NRXN1: variants seen among roughly 807,000 people sequenced by gnomAD.
NRXN1 encodes neurexin 1.
A neutral mutation model predicts 150.9 loss-of-function variants in NRXN1; 39 were observed. That is an observed-to-expected ratio of 0.26 (90% CI 0.20 to 0.34). The LOEUF is 0.34. NRXN1 is among the 10% of genes least tolerant of loss of function. The pLI is 1.00. For missense variants in NRXN1, 1,815 were observed against 1,949.9 expected (o/e 0.93, Z 1.30); for synonymous variants, 924 against 757.0 (o/e 1.22, Z -3.62).
rs1305401519 is a variant in NRXN1 at position 50,308,122 on chromosome 2, G to C, written c.3365-71152C>G. 7.9e-5 allele frequency among the ~76,000 whole-genome samples: 12 copies of C among 152,094 alleles called. No homozygotes were observed. The East Asian group carries it at 2.3e-3, about 29-fold the overall frequency. On this transcript the variant is annotated intron_variant, in intron 17 of 22. Transcript: ENST00000401669. Reference sequence around the variant, plus strand: ...GTTGTTGTTGGTAGGGAGAGAACTTGTCTCCTGACTACTGTCTTAGCAGTT... The same window carrying C: ...GTTGTTGTTGGTAGGGAGAGAACTTCTCTCCTGACTACTGTCTTAGCAGTT...
rs563333578 is a variant in NRXN1 at position 50,507,163 on chromosome 2, G to A, written c.2375-546C>T. 1.8e-4 allele frequency among the ~76,000 whole-genome samples: 28 copies of A among 152,070 alleles called. No homozygotes were observed. The East Asian group carries it at 3.7e-3, about 20-fold the overall frequency. ...TATCTTGTGTGATGGCGGCTATTCC[G>A]CTCTTATACCTGGTACCTCCAGTGC... On this transcript the variant is annotated intron_variant, in intron 12 of 22. Coordinates refer to ENST00000401669, the MANE Select transcript of NRXN1 (RefSeq NM_001330078.2).
intron 5 of NRXN1, among the ~76,000 whole-genome samples, chr2:50,897,918 T>C (rs1255288459): frequency 6.6e-6 from 1 of 151,030 alleles, no homozygotes; most frequent in East Asian, 1.9e-4. Flanking sequence ...ATAAAATTGA[T>C]GATAGCAAAA....
At chr2:50,675,805 T>C (rs1689464091) in intron 5 of NRXN1, among the ~76,000 whole-genome samples, 1 of 152,122 alleles carries the variant, frequency 6.6e-6, no homozygotes, top group Non-Finnish European at 1.5e-5. Flanking sequence ...GAGTATCAGC[T>C]AAGAATATCC....
chr2:50,173,719 T>A (rs981872545), intron 18 of NRXN1, among the ~76,000 whole-genome samples: 4 of 152,196 alleles, frequency 2.6e-5, no homozygotes, highest in African/African-American at 9.6e-5. Context: ...TATGTTAGCA[T>A]TAATGTTTTA....
At chr2:50,136,130 C>T (rs1167896822) in intron 18 of NRXN1, among the ~76,000 whole-genome samples, 2 of 152,170 alleles carry the variant, frequency 1.3e-5, no homozygotes, top group African/African-American at 4.8e-5. Context: ...GGTTAATCTC[C>T]TAATTACTTT....
intron 18 of NRXN1, among the ~76,000 whole-genome samples, chr2:50,142,584 T>C (rs1461280639): frequency 6.6e-6 from 1 of 151,800 alleles, no homozygotes; most frequent in African/African-American, 2.4e-5. Flanking sequence ...CCAGTAAATA[T>C]GTATAAAAAT....
intron 17 of NRXN1, among the ~76,000 whole-genome samples, chr2:50,246,804 A>G (rs1001322606): frequency 2.6e-5 from 4 of 152,056 alleles, no homozygotes; most frequent in Non-Finnish European, 4.4e-5. Flanking sequence ...AACATCCACT[A>G]ACTTATTTTT....
chr2:50,990,109 G>T (rs1698323026), intron 2 of NRXN1, among the ~76,000 whole-genome samples: 1 of 151,926 alleles, frequency 6.6e-6, no homozygotes, highest in African/African-American at 2.4e-5. Flanking sequence ...TATATCTTCT[G>T]TAGGGAACTG....
intron 5 of NRXN1, among the ~76,000 whole-genome samples, chr2:50,782,430 C>G (rs1433441436): frequency 1.3e-5 from 2 of 152,006 alleles, no homozygotes; most frequent in African/African-American, 4.8e-5. Context: ...GATCATGCCA[C>G]TGCACTCCAG....
intron 17 of NRXN1, among the ~76,000 whole-genome samples, chr2:50,302,047 A>AT (rs1338074775): frequency 6.6e-6 from 1 of 152,116 alleles, no homozygotes. Context: ...ATGAAGAAAT[A>AT]TTTTTTTAAA....
At chr2:50,446,184 A>T (rs2086386825) in intron 17 of NRXN1, among the ~76,000 whole-genome samples, 1 of 152,172 alleles carries the variant, frequency 6.6e-6, no homozygotes, top group African/African-American at 2.4e-5. Flanking sequence ...AGAAAACCGT[A>T]TCAAAATAAT....
intron 5 of NRXN1, among the ~76,000 whole-genome samples, chr2:50,844,870 T>C (rs1372412355): frequency 1.3e-5 from 2 of 152,066 alleles, no homozygotes; most frequent in Non-Finnish European, 2.9e-5. Flanking sequence ...TTTTTTTTTT[T>C]TGAAGCAGAG....
intron 8 of NRXN1, among the ~76,000 whole-genome samples, chr2:50,580,825 C>G (rs906632060): frequency 6.6e-6 from 1 of 152,088 alleles, no homozygotes; most frequent in Non-Finnish European, 1.5e-5. Flanking sequence ...TTCACAGCTA[C>G]TATACCGTCT....
At chr2:49,992,511 C>T (rs145729908) in intron 21 of NRXN1, among the ~76,000 whole-genome samples, 6 of 152,036 alleles carry the variant, frequency 3.9e-5, no homozygotes, top group South Asian at 2.1e-4. Context: ...ACTTGGGAGG[C>T]GGAGGTTGCA....
intron 18 of NRXN1, among the ~76,000 whole-genome samples, chr2:50,211,217 G>A (rs1365614393): frequency 2.0e-5 from 3 of 151,614 alleles, no homozygotes; most frequent in African/African-American, 7.2e-5. Flanking sequence ...CATAGGAACT[G>A]CTGAAAAACC....
intron 13 of NRXN1, among the ~76,000 whole-genome samples, chr2:50,498,788 C>G (rs2091785897): frequency 6.6e-6 from 1 of 152,178 alleles, no homozygotes; most frequent in South Asian, 2.1e-4. Context: ...TTGCTCTTGT[C>G]TAAATAAACT....
At position 50,068,034 on chromosome 2, in the gene NRXN1, G is replaced by C. The variant is rs1299233340; in HGVS notation, c.3719-12990C>G. Among the ~76,000 whole-genome samples, 4 of 152,150 alleles carry C rather than the reference G, an allele frequency of 2.6e-5. 1 individual carries two copies. In the South Asian group the frequency reaches 8.3e-4, roughly 31 times the overall value. On this transcript the variant is annotated intron_variant, in intron 19 of 22. Coordinates refer to ENST00000401669, the MANE Select transcript of NRXN1 (RefSeq NM_001330078.2). The stretch of plus-strand genomic sequence containing the variant: ...AAGATAGGTGAATGTTTCATACACA[G>C]TCTGATGTGGCCTATAAATGGAACT...
At chr2:50,201,365 A>G (rs1397182544) in intron 18 of NRXN1, among the ~76,000 whole-genome samples, 3 of 152,174 alleles carry the variant, frequency 2.0e-5, no homozygotes, top group African/African-American at 7.2e-5. Flanking sequence ...ATGTTTAAAA[A>G]CTGAATGATA....
chr2:50,716,564 T>C (rs1426934152), intron 5 of NRXN1, among the ~76,000 whole-genome samples: 1 of 152,186 alleles, frequency 6.6e-6, no homozygotes, highest in East Asian at 1.9e-4. Context: ...CATAAGCAAG[T>C]GATCCCCATC....
Sources: gnomAD v4.1 joint callset for allele counts (sites outside exome capture counted in the v4.1 genomes callset) on GRCh38, gnomAD v4.1.1 for gene constraint, MANE v1.5 for transcripts, NCBI Gene and HGNC (gene_info 2026-07-23, HGNC 2026-07-21) for gene names.